ARFGEF1: variants seen among roughly 807,000 people sequenced by gnomAD.
ARFGEF1 encodes ARF guanine nucleotide exchange factor 1.
ARFGEF1 carries 42 observed loss-of-function variants against 231.0 expected under a neutral mutation model. The observed-to-expected ratio is 0.18, with a 90% confidence interval of 0.14 to 0.24. The LOEUF is 0.24. Among genes scored for constraint, ARFGEF1 ranks in the 10% least tolerant of loss-of-function variants. ARFGEF1 has a pLI of 1.00. For missense variants in ARFGEF1, 1,345 were observed against 2,192.0 expected, an observed-to-expected ratio of 0.61 and a Z score of 7.72; for synonymous variants, 710 against 732.3, an observed-to-expected ratio of 0.97 and a Z score of 0.49.
chr8:67,327,115 T>C (rs1807869702), intron 1 of ARFGEF1, among the ~76,000 whole-genome samples: 1 of 152,186 alleles, frequency 6.6e-6, no homozygotes, highest in Non-Finnish European at 1.5e-5. Context: ...ATTATTCAAT[T>C]ATCTATATTT....
rs780443181 is a variant in ARFGEF1 at position 67,199,020 on chromosome 8, C to T, written c.5464G>A (p.Val1822Ile). Reference sequence around the variant, plus strand: ...ATTCGCAGAAAAAATCTTCTAAGAACAGCACGAAGTTCAGGAATCAAGTCA... The same window carrying T: ...ATTCGCAGAAAAAATCTTCTAAGAATAGCACGAAGTTCAGGAATCAAGTCA... ...QFDLIPELRA[V>I]LRRFFLRIGV... The change falls in exon 39 of 39, where the codon GTT (valine) becomes ATT (isoleucine). Residue 1822 changes from valine (V) to isoleucine (I), a missense_variant. By Grantham distance (29) the Val-to-Ile change is conservative. Coordinates refer to ENST00000262215, the MANE Select transcript of ARFGEF1 (RefSeq NM_006421.5). 5.0e-6 allele frequency: 8 copies of T among 1,612,848 alleles called. No individual in the cohort carries two copies. The Admixed American group carries it at 1.0e-4, about 20-fold the overall frequency.
intron 19 of ARFGEF1, among the ~76,000 whole-genome samples, chr8:67,251,097 T>C (rs555509943): frequency 1.3e-5 from 2 of 152,372 alleles, no homozygotes; most frequent in South Asian, 4.1e-4. Context: ...TAATTACTTA[T>C]AGTGAGTAAC....
intron 4 of ARFGEF1, 95 bp downstream of exon 4, chr8:67,299,114 C>T: frequency 1.7e-6 from 2 of 1,186,856 alleles, no homozygotes; most frequent in Non-Finnish European, 1.1e-6. Context: ...CTGGAATGCA[C>T]ATAAAATGAT....
chr8:67,214,887 G>GA (rs1403755300), intron 33 of ARFGEF1, among the ~76,000 whole-genome samples: 2 of 152,146 alleles, frequency 1.3e-5, no homozygotes, highest in Non-Finnish European at 2.9e-5. Context: ...TAACCTTTAA[G>GA]AAAAAGAAGA....
At chr8:67,260,543 A>T (rs764910110) in intron 14 of ARFGEF1, among the ~76,000 whole-genome samples, 1 of 152,180 alleles carries the variant, frequency 6.6e-6, no homozygotes, top group African/African-American at 2.4e-5. Context: ...CCACGTCCAT[A>T]TAAGATGGTA....
intron 6 of ARFGEF1, among the ~76,000 whole-genome samples, chr8:67,289,282 G>A (rs1366492836): frequency 6.6e-6 from 1 of 151,906 alleles, no homozygotes; most frequent in African/African-American, 2.4e-5. Context: ...GCTGAGCACA[G>A]GGGGGGTCAC....
At chr8:67,215,682 GA>G (rs1317914124) in intron 33 of ARFGEF1, among the ~76,000 whole-genome samples, 1 of 152,182 alleles carries the variant, frequency 6.6e-6, no homozygotes, top group Non-Finnish European at 1.5e-5. Context: ...GAAGCTGGAC[GA>G]AGCTAGTAAG....
rs370796913 is a variant in ARFGEF1, at chr8:67,201,417, G to A, written c.5267+50C>T. On this transcript the variant is annotated intron_variant, in intron 37 of 38. Coordinates refer to ENST00000262215, the MANE Select transcript of ARFGEF1 (RefSeq NM_006421.5). The stretch of plus-strand genomic sequence containing the variant: ...TCCCGCCGGTGCCTCTTTCCTGCCC[G>A]GCACCACGTGGCTACCTGGTCAGAG... 58 of 1,567,450 alleles carry A rather than the reference G, an allele frequency of 3.7e-5. No homozygotes were observed. The African/African-American group carries it at 4.3e-4, about 12-fold the overall frequency.
Position 67,198,697 on chromosome 8 carries a change from G to A in ARFGEF1, c.*237C>T. ...AAGACAGGGAAGGACCCGTGAGCAT[G>A]AGCTGACACTGTTTAAACAGGCTTT... On this transcript the variant is annotated 3_prime_UTR_variant, in exon 39 of 39. Coordinates refer to ENST00000262215, the MANE Select transcript of ARFGEF1 (RefSeq NM_006421.5). The A allele has an allele frequency of 8.0e-7, 1 of 1,242,418 alleles. No homozygotes were observed. The highest frequency in any genetic ancestry group is 1.0e-6 in the Non-Finnish European group (1 of 990,906). The allele number at this position is 1,242,418 out of a possible 1,614,324, so 77.0% of individuals were successfully genotyped here. A position where few individuals can be genotyped will look rare whatever the true frequency, so the allele number is the denominator to read the frequency against.
chr8:67,216,880 AG>A (rs1838953802), intron 32 of ARFGEF1, among the ~76,000 whole-genome samples: 1 of 152,186 alleles, frequency 6.6e-6, no homozygotes, highest in Non-Finnish European at 1.5e-5. Flanking sequence ...TATAATTAAA[AG>A]GGTAATATGG....
chr8:67,343,158 G>T lies in ARFGEF1; in HGVS notation c.124+6C>A, dbSNP rs750064914. On this transcript the variant is annotated splice_donor_region_variant and intron_variant, in intron 1 of 38. Coordinates refer to ENST00000262215, the MANE Select transcript of ARFGEF1 (RefSeq NM_006421.5). The stretch of plus-strand genomic sequence containing the variant: ...ACCCCATCCCCCGGGCCTCCTCCCC[G>T]CTCACCTAACGCCACCTCGCAAGCT... The T allele has an allele frequency of 9.4e-6, 9 of 952,618 alleles. No individual in the cohort carries two copies. The highest frequency in any genetic ancestry group is 2.6e-4 in the Middle Eastern group (1 of 3,798). 59.0% of individuals were successfully genotyped at this position (952,618 alleles called of 1,614,324 possible).
intron 14 of ARFGEF1, among the ~76,000 whole-genome samples, chr8:67,263,876 A>T (rs1397990397): frequency 6.6e-6 from 1 of 152,172 alleles, no homozygotes; most frequent in Non-Finnish European, 1.5e-5. Context: ...ATTTCCTGGG[A>T]AAGGTGACTC....
At chr8:67,245,595 A>C (rs769564622) in intron 19 of ARFGEF1, among the ~76,000 whole-genome samples, 7 of 150,450 alleles carry the variant, frequency 4.7e-5, no homozygotes, top group Non-Finnish European at 1.0e-4. Context: ...AAAAAAACCT[A>C]TAATGAATAA....
intron 1 of ARFGEF1, among the ~76,000 whole-genome samples, chr8:67,340,837 C>G (rs1808591138): frequency 6.6e-6 from 1 of 152,130 alleles, no homozygotes; most frequent in African/African-American, 2.4e-5. Flanking sequence ...TAAAAACTGT[C>G]AAAATCTGGA....
At chr8:67,225,991 T>C in intron 28 of ARFGEF1, 32 bp downstream of exon 28, 1 of 1,547,140 alleles carries the variant, frequency 6.5e-7, no homozygotes, top group African/African-American at 1.4e-5. Flanking sequence ...AAGAATACTC[T>C]GCAAAATTTT....
intron 1 of ARFGEF1, among the ~76,000 whole-genome samples, chr8:67,332,075 T>G (rs889835001): frequency 1.1e-4 from 16 of 151,978 alleles, no homozygotes; most frequent in Non-Finnish European, 1.0e-4. Flanking sequence ...AATGACACAC[T>G]GTTAAAATGC....
At chr8:67,302,804 G>A (rs1439852898) in intron 1 of ARFGEF1, among the ~76,000 whole-genome samples, 1 of 150,956 alleles carries the variant, frequency 6.6e-6, no homozygotes, top group East Asian at 1.9e-4. Context: ...GCCAAGTTCA[G>A]TGGCTCACGC....
chr8:67,243,485 C>A (rs899464201), intron 19 of ARFGEF1, among the ~76,000 whole-genome samples: 1 of 152,096 alleles, frequency 6.6e-6, no homozygotes, highest in East Asian at 1.9e-4. Flanking sequence ...AAGAACAGCA[C>A]GGGAAAAGAC....
intron 1 of ARFGEF1, among the ~76,000 whole-genome samples, chr8:67,339,208 C>T (rs777530132): frequency 2.6e-5 from 4 of 152,106 alleles, no homozygotes; most frequent in Non-Finnish European, 4.4e-5. Flanking sequence ...AAAATTACTT[C>T]CCTAACAATT....
Sources: allele counts gnomAD v4.1 joint callset (sites outside exome capture counted in the v4.1 genomes callset), GRCh38; gene constraint gnomAD v4.1.1; transcripts MANE v1.5; gene names NCBI Gene and HGNC (gene_info 2026-07-23, HGNC 2026-07-21).